Variants in PCDHA11 observed in about 807,000 individuals in gnomAD.
PCDHA11 encodes the protein protocadherin alpha 11, also known as protocadherin alpha-11.
PCDHA11 carries 61 observed loss-of-function variants against 70.3 expected under a neutral mutation model. The ratio of observed to expected loss-of-function variants is 0.87; its 90% confidence interval spans 0.71 to 1.07. PCDHA11 has a LOEUF of 1.07. Ranked by LOEUF, PCDHA11 falls within the 50% of genes least tolerant of loss-of-function variation. The pLI is 0.00. For synonymous variants in PCDHA11, 633 were observed against 555.1 expected (o/e 1.14, Z -1.97); for missense variants, 1,324 against 1,237.5 (o/e 1.07, Z -1.05).
intron 3 of PCDHA11, among the ~76,000 whole-genome samples, chr5:140,993,452 T>C (rs1218728585): frequency 1.5e-5 from 2 of 135,256 alleles, no homozygotes; most frequent in Non-Finnish European, 3.1e-5. Flanking sequence ...CTGTTCTCCT[T>C]CTTTCTTTCT....
At chr5:140,981,019 T>A (rs1396794400) in intron 2 of PCDHA11, among the ~76,000 whole-genome samples, 1 of 152,242 alleles carries the variant, frequency 6.6e-6, no homozygotes, top group East Asian at 1.9e-4. Context: ...ACTTGAAGGC[T>A]GTTAATATTT....
chr5:140,942,808 C>T (rs1175421349), intron 1 of PCDHA11, among the ~76,000 whole-genome samples: 1 of 151,920 alleles, frequency 6.6e-6, no homozygotes, highest in East Asian at 1.9e-4. Context: ...TTTCCACAAA[C>T]TAGTTGGATT....
intron 1 of PCDHA11, among the ~76,000 whole-genome samples, chr5:140,873,949 C>G (rs1161044001): frequency 1.3e-5 from 2 of 152,218 alleles, no homozygotes; most frequent in Non-Finnish European, 1.5e-5. Flanking sequence ...GTGTAAGTCA[C>G]TGAGCCCAGC....
chr5:140,925,836 C>G (rs2082758211), intron 1 of PCDHA11, among the ~76,000 whole-genome samples: 1 of 152,104 alleles, frequency 6.6e-6, no homozygotes, highest in African/African-American at 2.4e-5. Context: ...GACGGGTCGT[C>G]AAGTCTTTGA....
Position 140,927,881 on chromosome 5 carries a change from T to C in PCDHA11, c.2392-51068T>C, listed in dbSNP as rs781982234. 10 of 1,613,978 alleles carry C rather than the reference T, an allele frequency of 6.2e-6. No homozygotes were observed. Among genetic ancestry groups the C allele is most frequent in the Non-Finnish European group, 8.5e-6 (10 of 1,180,010 alleles). Reference sequence around the variant, plus strand: ...AGCACCGCTAAACTGCTGGTGGAGGTGACTGACGTGAACGATCATGCCCCC... The same window carrying C: ...AGCACCGCTAAACTGCTGGTGGAGGCGACTGACGTGAACGATCATGCCCCC... On this transcript the variant is annotated intron_variant, in intron 1 of 3. Coordinates refer to ENST00000398640, the MANE Select transcript of PCDHA11 (RefSeq NM_018902.5).
At chr5:141,001,723 A>T (rs936645287) in intron 3 of PCDHA11, among the ~76,000 whole-genome samples, 1 of 152,168 alleles carries the variant, frequency 6.6e-6, no homozygotes, top group Non-Finnish European at 1.5e-5. Flanking sequence ...GGAGCTTGAG[A>T]TATTTTACAA....
intron 1 of PCDHA11, among the ~76,000 whole-genome samples, chr5:140,899,418 C>T (rs552409062): frequency 1.3e-5 from 2 of 152,254 alleles, no homozygotes; most frequent in African/African-American, 4.8e-5. Context: ...TGAATTTTGT[C>T]AAAGGTCTTT....
intron 1 of PCDHA11, chr5:140,876,557 A>C: frequency 6.2e-7 from 1 of 1,614,156 alleles, no homozygotes; most frequent in Admixed American, 1.7e-5. Context: ...GTGCAAGAGG[A>C]TGCTCAGGTG....
chr5:140,957,104 C>T (rs2095333785), intron 1 of PCDHA11, among the ~76,000 whole-genome samples: 1 of 152,104 alleles, frequency 6.6e-6, no homozygotes, highest in Non-Finnish European at 1.5e-5. Context: ...TTGCTATGGA[C>T]ATGATTCTGT....
At chr5:140,882,543 G>T (rs1357197569) in intron 1 of PCDHA11, 4 of 1,614,236 alleles carry the variant, frequency 2.5e-6, no homozygotes, top group Non-Finnish European at 3.4e-6. Context: ...CGGATCGACC[G>T]CGAGGAGCTG....
intron 1 of PCDHA11, among the ~76,000 whole-genome samples, chr5:140,878,696 A>G (rs570754583): frequency 6.6e-6 from 1 of 152,360 alleles, no homozygotes; most frequent in East Asian, 1.9e-4. Context: ...TACATACCCC[A>G]GCCTGGTAGT....
chr5:140,936,834 T>TA (rs1554211213), intron 1 of PCDHA11, among the ~76,000 whole-genome samples: 1 of 152,210 alleles, frequency 6.6e-6, no homozygotes, highest in African/African-American at 2.4e-5. Context: ...CATTTCTATA[T>TA]AAATTGTAGA....
intron 1 of PCDHA11, among the ~76,000 whole-genome samples, chr5:140,914,094 T>A (rs563496078): frequency 6.9e-4 from 105 of 152,324 alleles, no homozygotes; most frequent in African/African-American, 2.5e-3. Context: ...GTCAATTTGT[T>A]CTATAGTGCA....
rs782572380 is a variant in PCDHA11 at position 140,870,081 on chromosome 5, T to A, written c.978T>A (p.Thr326=). ...AAGTACAGGCTACAGATAAGGGGAC[T>A]CCCCCAATGGCAGGTCACTGTACAG... ...KIEVQATDKG[T]PPMAGHCTVW... The change falls in exon 1 of 4, where the codon ACT becomes ACA. Residue 326 remains threonine, a synonymous_variant. Coordinates refer to ENST00000398640, the MANE Select transcript of PCDHA11 (RefSeq NM_018902.5). 1 of 1,613,698 alleles carries A rather than the reference T, an allele frequency of 6.2e-7. No homozygotes were observed. The highest frequency in any genetic ancestry group is 2.2e-5 in the East Asian group (1 of 44,872).
At chr5:140,966,654 T>G (rs1048894569) in intron 1 of PCDHA11, 2 of 1,185,100 alleles carry the variant, frequency 1.7e-6, no homozygotes, top group Non-Finnish European at 2.2e-6. Flanking sequence ...GCGTGAGCGG[T>G]GGGGGAGCAG....
intron 1 of PCDHA11, chr5:140,876,058 C>A (rs781906188): frequency 1.2e-6 from 2 of 1,613,750 alleles, no homozygotes; most frequent in African/African-American, 1.3e-5. Flanking sequence ...TGAATTAGTT[C>A]TTCGGAAGTT....
intron 1 of PCDHA11, among the ~76,000 whole-genome samples, chr5:140,881,170 T>C (rs1442098863): frequency 1.3e-5 from 2 of 152,246 alleles, no homozygotes; most frequent in Non-Finnish European, 1.5e-5. Flanking sequence ...CCTCTTCCTC[T>C]TTTCCTTGCT....
At chr5:140,948,527 A>G (rs902965857) in intron 1 of PCDHA11, among the ~76,000 whole-genome samples, 7 of 151,560 alleles carry the variant, frequency 4.6e-5, no homozygotes, top group Non-Finnish European at 8.9e-5. Context: ...CACTATTTAT[A>G]TTTTATTTCA....
intron 3 of PCDHA11, among the ~76,000 whole-genome samples, chr5:141,000,412 TA>T (rs2097919630): frequency 4.9e-5 from 5 of 102,770 alleles, no homozygotes; most frequent in Non-Finnish European, 5.8e-5. Context: ...TATATATATA[TA>T]TATATATATT....
Sources: allele counts gnomAD v4.1 joint callset (sites outside exome capture counted in the v4.1 genomes callset), GRCh38; gene constraint gnomAD v4.1.1; transcripts MANE v1.5; gene names NCBI Gene and HGNC (gene_info 2026-07-23, HGNC 2026-07-21).